SLC35F4: variants seen among roughly 807,000 people sequenced by gnomAD.
SLC35F4 encodes solute carrier family 35 member F4, also known as chromosome 14 open reading frame 36.
In SLC35F4, 24 loss-of-function variants were observed where a neutral mutation model predicts 44.2. The observed-to-expected ratio is 0.54, with a 90% CI of 0.39 to 0.76. The LOEUF (loss-of-function observed/expected upper bound fraction) is 0.76. Ranked by LOEUF, SLC35F4 falls within the 30% of genes least tolerant of loss-of-function variation. The pLI is 0.00. For synonymous variants in SLC35F4, 238 were observed against 223.6 expected, an observed-to-expected ratio of 1.06 and a Z score of -0.57; for missense variants, 562 against 586.1, an observed-to-expected ratio of 0.96 and a Z score of 0.42.
At chr14:57,879,349 G>A (rs944955002) in intron 1 of SLC35F4, among the ~76,000 whole-genome samples, 6 of 151,836 alleles carry the variant, frequency 4.0e-5, no homozygotes, top group African/African-American at 1.2e-4. Context: ...CCTTACCCTC[G>A]AGCTGAACAA....
At chr14:57,680,017 A>T (rs886840365) in intron 1 of SLC35F4, among the ~76,000 whole-genome samples, 6 of 152,114 alleles carry the variant, frequency 3.9e-5, no homozygotes, top group African/African-American at 1.5e-4. Context: ...TCCCTAACTC[A>T]TTTTATGAGG....
intron 1 of SLC35F4, among the ~76,000 whole-genome samples, chr14:57,696,990 G>A (rs2075402666): frequency 6.6e-6 from 1 of 152,168 alleles, no homozygotes; most frequent in African/African-American, 2.4e-5. Context: ...AACCCTAGAT[G>A]ACGGGTTGAT....
At chr14:57,702,331 TAAAAAAA>T (rs5808935) in intron 1 of SLC35F4, among the ~76,000 whole-genome samples, 3 of 136,588 alleles carry the variant, frequency 2.2e-5, no homozygotes, top group Admixed American at 7.5e-5. Flanking sequence ...TCATTTTCTT[TAAAAAAA>T]AAAAAAAAAA....
intron 1 of SLC35F4, among the ~76,000 whole-genome samples, chr14:57,811,505 G>A (rs190891003): frequency 2.6e-5 from 4 of 152,320 alleles, no homozygotes; most frequent in East Asian, 3.9e-4. Context: ...TGTGGAAGAC[G>A]TGGTATTCTG....
chr14:57,893,305 C>T (rs1888807968), intron 1 of SLC35F4, among the ~76,000 whole-genome samples: 1 of 152,172 alleles, frequency 6.6e-6, no homozygotes, highest in Non-Finnish European at 1.5e-5. Context: ...CAATAGCTAT[C>T]ATACATTAAG....
intron 1 of SLC35F4, among the ~76,000 whole-genome samples, chr14:57,648,028 G>T (rs975163782): frequency 1.3e-5 from 2 of 152,058 alleles, no homozygotes; most frequent in African/African-American, 2.4e-5. Context: ...TTCCTTTATT[G>T]CTATGGTTCC....
chr14:57,692,839 CA>C (rs1445066785), intron 1 of SLC35F4, among the ~76,000 whole-genome samples: 1 of 151,908 alleles, frequency 6.6e-6, no homozygotes, highest in East Asian at 1.9e-4. Flanking sequence ...CTCATTTTTC[CA>C]TATTATTTGT....
At chr14:57,696,791 C>G (rs1010677895) in intron 1 of SLC35F4, among the ~76,000 whole-genome samples, 1 of 152,100 alleles carries the variant, frequency 6.6e-6, no homozygotes, top group South Asian at 2.1e-4. Context: ...CGCTGGAAAC[C>G]ATCATACTCA....
At chr14:57,661,285 T>G (rs770197728) in intron 1 of SLC35F4, among the ~76,000 whole-genome samples, 1 of 152,136 alleles carries the variant, frequency 6.6e-6, no homozygotes, top group Non-Finnish European at 1.5e-5. Context: ...GGGGACAGCA[T>G]TGAACAGGAA....
chr14:57,980,132 G>T (rs35443416), intron 1 of SLC35F4, among the ~76,000 whole-genome samples: 28 of 152,282 alleles, frequency 1.8e-4, no homozygotes, highest in South Asian at 6.2e-4. Flanking sequence ...TTTCCTTAGG[G>T]TGTTGTTATG....
upstream of SLC35F4, among the ~76,000 whole-genome samples, chr14:57,870,161 T>G (rs1174125165): frequency 6.7e-6 from 1 of 149,682 alleles, no homozygotes; most frequent in Non-Finnish European, 1.5e-5. Context: ...TGTGTGTCTG[T>G]GTCTCTCCCT....
intron 1 of SLC35F4, among the ~76,000 whole-genome samples, chr14:57,611,059 G>T (rs938640085): frequency 6.6e-6 from 1 of 152,192 alleles, no homozygotes; most frequent in Admixed American, 6.5e-5. Context: ...AGGAGATTAT[G>T]GGCAAACTGG....
At chr14:57,580,656 G>T (rs1664733397) in intron 4 of SLC35F4, 1 of 192,594 alleles carries the variant, frequency 5.2e-6, no homozygotes, top group South Asian at 7.7e-5. Context: ...TTCAATTAAG[G>T]ATTTGTATCC....
chr14:57,848,764 A>G (rs1886259078), intron 1 of SLC35F4, among the ~76,000 whole-genome samples: 2 of 152,232 alleles, frequency 1.3e-5, no homozygotes, highest in African/African-American at 2.4e-5. Context: ...TGGGGCAAAC[A>G]TTGGGTAGGT....
At chr14:57,860,625 C>A (rs926405820) in intron 1 of SLC35F4, among the ~76,000 whole-genome samples, 2 of 152,078 alleles carry the variant, frequency 1.3e-5, no homozygotes, top group Non-Finnish European at 2.9e-5. Flanking sequence ...ACACTGTTTC[C>A]CTATACAAAC....
chr14:57,697,615 C>T (rs541553426), intron 1 of SLC35F4, among the ~76,000 whole-genome samples: 2 of 151,516 alleles, frequency 1.3e-5, no homozygotes, highest in South Asian at 2.1e-4. Flanking sequence ...GCTGGAGAAT[C>T]GCTTGAGCCC....
chr14:57,659,126 G>A (rs909376424), intron 1 of SLC35F4, among the ~76,000 whole-genome samples: 17 of 152,160 alleles, frequency 1.1e-4, no homozygotes, highest in South Asian at 2.1e-4. Flanking sequence ...TTTCTCAGGC[G>A]TGGGACTATT....
At chr14:57,744,426 C>G (rs558768107) in intron 1 of SLC35F4, among the ~76,000 whole-genome samples, 2 of 152,062 alleles carry the variant, frequency 1.3e-5, no homozygotes, top group Non-Finnish European at 2.9e-5. Flanking sequence ...TTCCTATACA[C>G]CAAGAACAGA....
At chr14:57,768,055 G>T (rs1208579352) in intron 1 of SLC35F4, among the ~76,000 whole-genome samples, 1 of 152,094 alleles carries the variant, frequency 6.6e-6, no homozygotes, top group Non-Finnish European at 1.5e-5. Flanking sequence ...GTTCACTGGA[G>T]AATTCTAGAT....
Sources: allele counts gnomAD v4.1 joint callset (sites outside exome capture counted in the v4.1 genomes callset), GRCh38; gene constraint gnomAD v4.1.1; transcripts MANE v1.5; gene names NCBI Gene and HGNC (gene_info 2026-07-23, HGNC 2026-07-21).